Variants in PPARG observed in about 807,000 individuals in gnomAD.
PPARG encodes peroxisome proliferator-activated receptor gamma.
Under a neutral mutation model 39.2 loss-of-function variants are expected in PPARG, and 17 were observed. The observed-to-expected ratio is 0.43, with a 90% CI of 0.30 to 0.65. PPARG has a LOEUF of 0.65. PPARG is among the 30% of genes least tolerant of loss of function. PPARG has a pLI of 0.13. For missense variants in PPARG, 406 were observed against 585.9 expected (o/e 0.69, Z 3.17); for synonymous variants, 223 against 215.7 (o/e 1.03, Z -0.30).
chr3:12,291,869 C>G (rs978765903), intron 1 of PPARG, among the ~76,000 whole-genome samples: 1 of 152,144 alleles, frequency 6.6e-6, no homozygotes, highest in Non-Finnish European at 1.5e-5. Context: ...ATTTTGTCAT[C>G]TTTGAAACGG....
intron 2 of PPARG, among the ~76,000 whole-genome samples, chr3:12,322,315 G>C (rs1472802650): frequency 6.6e-6 from 1 of 152,200 alleles, no homozygotes. Flanking sequence ...GCTCCTACTT[G>C]TATGTATTAT....
At chr3:12,385,104 G>T (rs1338982380) in intron 4 of PPARG, among the ~76,000 whole-genome samples, 1 of 152,162 alleles carries the variant, frequency 6.6e-6, no homozygotes, top group Non-Finnish European at 1.5e-5. Context: ...TAACCAATAC[G>T]CAATAAAAAG....
chr3:12,358,927 A>T (rs2048750455), intron 2 of PPARG, among the ~76,000 whole-genome samples: 1 of 152,202 alleles, frequency 6.6e-6, no homozygotes, highest in African/African-American at 2.4e-5. Flanking sequence ...GATGACAGGG[A>T]CATGTACCTT....
chr3:12,409,550 T>C (rs914701522), intron 6 of PPARG, among the ~76,000 whole-genome samples: 4 of 152,192 alleles, frequency 2.6e-5, no homozygotes, highest in Non-Finnish European at 5.9e-5. Flanking sequence ...TCATGAAAGT[T>C]AAGATTTGCA....
At chr3:12,403,450 A>G (rs956700502) in intron 5 of PPARG, among the ~76,000 whole-genome samples, 2 of 152,006 alleles carry the variant, frequency 1.3e-5, no homozygotes, top group African/African-American at 4.8e-5. Context: ...CCTGGGCTCA[A>G]GGGATCCTTC....
intron 5 of PPARG, among the ~76,000 whole-genome samples, chr3:12,400,807 C>G (rs2050445232): frequency 6.6e-6 from 1 of 152,198 alleles, no homozygotes; most frequent in Non-Finnish European, 1.5e-5. Context: ...AGGAAGGAAA[C>G]TTTAGAATCT....
chr3:12,362,479 A>G (rs981984987), intron 2 of PPARG, among the ~76,000 whole-genome samples: 1 of 152,132 alleles, frequency 6.6e-6, no homozygotes, highest in Non-Finnish European at 1.5e-5. Context: ...AGATAATGCC[A>G]CTGTACTCCA....
chr3:12,381,610 C>CTCTGTCA, intron 4 of PPARG, 119 bp downstream of exon 4: 3 of 1,051,208 alleles, frequency 2.9e-6, no homozygotes, highest in Non-Finnish European at 4.3e-6. Context: ...GAGTATCTTG[C>CTCTGTCA]TCTGTCACCC....
At chr3:12,375,062 C>T (rs1037209031) in intron 2 of PPARG, among the ~76,000 whole-genome samples, 18 of 152,098 alleles carry the variant, frequency 1.2e-4, no homozygotes, top group Non-Finnish European at 1.6e-4. Flanking sequence ...ATGTAATACA[C>T]GACCCCTAGG....
intron 2 of PPARG, among the ~76,000 whole-genome samples, chr3:12,365,791 C>A (rs1226756435): frequency 6.6e-6 from 1 of 152,094 alleles, no homozygotes; most frequent in East Asian, 1.9e-4. Flanking sequence ...ACCGTACTAT[C>A]TTAATTACTT....
At chr3:12,414,816 GT>G (rs2051003471) in intron 6 of PPARG, among the ~76,000 whole-genome samples, 1 of 152,154 alleles carries the variant, frequency 6.6e-6, no homozygotes, top group Non-Finnish European at 1.5e-5. Context: ...CTGTTTGGGG[GT>G]CCTCACATCT....
chr3:12,364,043 AC>A (rs2048936719), intron 2 of PPARG, among the ~76,000 whole-genome samples: 1 of 149,696 alleles, frequency 6.7e-6, no homozygotes, highest in South Asian at 2.1e-4. Context: ...CAGTCAATAA[AC>A]CCCCACTGAC....
chr3:12,416,108 G>T (rs2051047715), intron 6 of PPARG, among the ~76,000 whole-genome samples: 1 of 152,230 alleles, frequency 6.6e-6, no homozygotes, highest in African/African-American at 2.4e-5. Flanking sequence ...GCCGGGTGTG[G>T]TGGCTCATGC....
intron 2 of PPARG, among the ~76,000 whole-genome samples, chr3:12,318,654 C>T (rs1301962168): frequency 6.6e-6 from 1 of 152,062 alleles, no homozygotes; most frequent in Non-Finnish European, 1.5e-5. Context: ...TGTCTCCTTC[C>T]ACAGTTTTCT....
intron 6 of PPARG, among the ~76,000 whole-genome samples, chr3:12,414,348 C>T (rs1274798126): frequency 6.6e-6 from 1 of 152,130 alleles, no homozygotes; most frequent in Non-Finnish European, 1.5e-5. Flanking sequence ...TGTGGTGGCT[C>T]ACACCTGTAA....
chr3:12,413,661 T>A (rs1006593429), intron 6 of PPARG, among the ~76,000 whole-genome samples: 4 of 150,830 alleles, frequency 2.7e-5, no homozygotes, highest in African/African-American at 9.8e-5. Context: ...AATAAAAAAA[T>A]TTAAAAAAAA....
At chr3:12,365,285 T>A (rs1423517226) in intron 2 of PPARG, among the ~76,000 whole-genome samples, 1 of 152,224 alleles carries the variant, frequency 6.6e-6, no homozygotes, top group Non-Finnish European at 1.5e-5. Context: ...AACCCCTGCT[T>A]TATCAGATGT....
chr3:12,428,847 G>C (rs908465974), intron 7 of PPARG, among the ~76,000 whole-genome samples: 19 of 152,220 alleles, frequency 1.2e-4, no homozygotes, highest in Admixed American at 3.9e-4. Flanking sequence ...AGATGTTTGA[G>C]TATATTTCCC....
At position 12,406,044 on chromosome 3, in the gene PPARG, C is replaced by T. The variant is rs2050651799; in HGVS notation, c.692C>T (p.Ala231Val). 1 of 1,614,106 alleles carries T rather than the reference C, an allele frequency of 6.2e-7. No individual in the cohort carries two copies. Among genetic ancestry groups the T allele is most frequent in the Non-Finnish European group, 8.5e-7 (1 of 1,180,002 alleles). ...IKSFPLTKAKARAILTGKTTD... is the reference protein window; with the variant it reads ...IKSFPLTKAKVRAILTGKTTD... ...TCCTTCCCGCTGACCAAAGCAAAGG[C>T]GAGGGCGATCTTGACAGGAAAGACA... Residue 231 changes from alanine (A) to valine (V), a missense_variant, in exon 6 of 8, where the codon GCG (alanine) becomes GTG (valine). Physicochemically the swap from Ala to Val is moderately conservative, Grantham distance 64. Coordinates refer to ENST00000651735, the MANE Select transcript of PPARG (RefSeq NM_138711.6).
Sources: allele counts gnomAD v4.1 joint callset (sites outside exome capture counted in the v4.1 genomes callset), GRCh38; gene constraint gnomAD v4.1.1; transcripts MANE v1.5; gene names NCBI Gene and HGNC (gene_info 2026-07-23, HGNC 2026-07-21).